The following COL24A1 variants were observed in gnomAD, a reference collection of about 807,000 sequenced individuals.
The protein encoded by COL24A1 is collagen type XXIV alpha 1 chain, also known as collagen alpha-1(XXIV) chain.
A neutral mutation model predicts 253.9 loss-of-function variants in COL24A1; 224 were observed. The ratio of observed to expected loss-of-function variants is 0.88; its 90% confidence interval spans 0.79 to 0.99. COL24A1 has a LOEUF of 0.99. Among genes scored for constraint, COL24A1 ranks in the 50% least tolerant of loss-of-function variants. The pLI is 0.00. For missense variants in COL24A1, 2,131 were observed against 2,068.5 expected (o/e 1.03, Z -0.59); for synonymous variants, 685 against 673.7 (o/e 1.02, Z -0.26).
chr1:85,978,628 A>T (rs1571450336), intron 20 of COL24A1, among the ~76,000 whole-genome samples: 1 of 152,198 alleles, frequency 6.6e-6, no homozygotes, highest in Non-Finnish European at 1.5e-5. Flanking sequence ...GATCAGTCCA[A>T]CATGAAAATG....
intron 37 of COL24A1, among the ~76,000 whole-genome samples, chr1:85,860,526 G>A (rs1679021944): frequency 6.6e-6 from 1 of 152,178 alleles, no homozygotes; most frequent in Non-Finnish European, 1.5e-5. Context: ...CAGATCACGA[G>A]GTCAGGAGAT....
At chr1:85,762,057 G>T (rs2101109978) in intron 53 of COL24A1, among the ~76,000 whole-genome samples, 1 of 152,112 alleles carries the variant, frequency 6.6e-6, no homozygotes, top group South Asian at 2.1e-4. Flanking sequence ...AAATTAATTA[G>T]TATTAATTTA....
chr1:85,868,548 AG>A lies in COL24A1; in HGVS notation c.3270del (p.Leu1091TrpfsTer34). The part of the protein sequence containing the change: ...GEMGLPGIIG[P>X]LGRSGQTGLP... ...AGGCCTGTTTGGCCTGATCTACCCA[AG>A]GGTCCTATAATTCCTGGTAAGCCCA... On this transcript the variant is annotated frameshift_variant, in exon 37 of 60. Transcript: ENST00000370571. LOFTEE classifies it high-confidence loss of function. 1 of 1,613,894 alleles carries A rather than the reference AG, an allele frequency of 6.2e-7. No individual in the cohort carries two copies. The highest frequency in any genetic ancestry group is 8.5e-7 in the Non-Finnish European group (1 of 1,179,852).
At chr1:86,141,702 C>CTT (rs1230061696) in intron 2 of COL24A1, among the ~76,000 whole-genome samples, 2 of 142,252 alleles carry the variant, frequency 1.4e-5, no homozygotes, top group Non-Finnish European at 1.6e-5. Context: ...TAGTGTCTTA[C>CTT]TTTTTTTTTT....
intron 47 of COL24A1, among the ~76,000 whole-genome samples, chr1:85,815,462 C>A (rs313757): frequency 0.46 from 69,954 of 151,856 alleles, 16,408 homozygotes; most frequent in East Asian, 0.58. Flanking sequence ...TAGGCCGTAA[C>A]CTGATGCCAT....
chr1:85,836,240 T>C (rs571192394), intron 43 of COL24A1, among the ~76,000 whole-genome samples: 2 of 152,362 alleles, frequency 1.3e-5, no homozygotes, highest in East Asian at 1.9e-4. Context: ...TATGCTTTTC[T>C]CTTGTTAATC....
chr1:86,084,043 A>G (rs1340116511), intron 7 of COL24A1, among the ~76,000 whole-genome samples: 2 of 152,192 alleles, frequency 1.3e-5, no homozygotes. Flanking sequence ...TTTGTCAAAT[A>G]TTACAGGACT....
At chr1:85,828,325 G>T (rs924541634) in intron 43 of COL24A1, among the ~76,000 whole-genome samples, 1 of 151,558 alleles carries the variant, frequency 6.6e-6, no homozygotes, top group African/African-American at 2.4e-5. Context: ...CATTTGCTGA[G>T]GGGAGCTTTA....
chr1:86,116,358 T>C (rs957518695), intron 3 of COL24A1, among the ~76,000 whole-genome samples: 1 of 152,202 alleles, frequency 6.6e-6, no homozygotes, highest in African/African-American at 2.4e-5. Context: ...ATGTGCTTTA[T>C]TTTTCTTTAT....
rs951070399 is a variant in COL24A1 at position 86,156,328 on chromosome 1, G to A, written c.56+13C>T. 5.6e-6 allele frequency: 9 copies of A among 1,612,080 alleles called. No individual in the cohort carries two copies. In the African/African-American group the frequency reaches 8.0e-5, roughly 14 times the overall value. On this transcript the variant is annotated intron_variant, in intron 1 of 59. Transcript: ENST00000370571. ...GTCTAACCCCTACCCTACCCGGCGGGTGGGCTACTTACGTTTTTGCCGTGG... is the reference window on the plus strand; with the variant it reads ...GTCTAACCCCTACCCTACCCGGCGGATGGGCTACTTACGTTTTTGCCGTGG...
rs183169249 is a variant in COL24A1, at chr1:85,829,942, C to T, written c.3682-6204G>A. Among the ~76,000 whole-genome samples, 405 of 152,204 alleles carry T rather than the reference C, an allele frequency of 2.7e-3. 2 individuals carry two copies. The highest frequency in any genetic ancestry group is 8.2e-3 in the African/African-American group (339 of 41,568). The stretch of plus-strand genomic sequence containing the variant: ...TGAGTTCATCAAAGTCATTCTCCTT[C>T]CAGCTTTGTTCTGTTGCTGGTGAGG... On this transcript the variant is annotated intron_variant, in intron 43 of 59. Transcript: ENST00000370571.
At chr1:85,816,488 GC>G (rs1400093070) in intron 47 of COL24A1, among the ~76,000 whole-genome samples, 3 of 152,184 alleles carry the variant, frequency 2.0e-5, no homozygotes, top group Non-Finnish European at 4.4e-5. Context: ...TCAAAGTACA[GC>G]CAGGTTGTGT....
chr1:85,957,796 C>T (rs1013958578), intron 24 of COL24A1, among the ~76,000 whole-genome samples: 3 of 152,182 alleles, frequency 2.0e-5, no homozygotes, highest in Non-Finnish European at 4.4e-5. Context: ...AAACCTCAAA[C>T]TAAATCATAA....
chr1:85,811,748 T>C (rs1253869378), intron 47 of COL24A1, among the ~76,000 whole-genome samples: 3 of 152,356 alleles, frequency 2.0e-5, no homozygotes, highest in Non-Finnish European at 4.4e-5. Context: ...TGGTCATTTG[T>C]AAATCTTCTT....
At chr1:85,871,083 A>C (rs1054866600) in intron 35 of COL24A1, among the ~76,000 whole-genome samples, 5 of 152,242 alleles carry the variant, frequency 3.3e-5, no homozygotes, top group Admixed American at 3.3e-4. Context: ...TATGCATATA[A>C]ACTAGAAAAT....
chr1:86,076,062 AG>A (rs1234727595), intron 7 of COL24A1, among the ~76,000 whole-genome samples: 4 of 152,182 alleles, frequency 2.6e-5, no homozygotes, highest in African/African-American at 7.2e-5. Context: ...GGCAAGAGAA[AG>A]AAATAAAGCA....
At chr1:86,054,292 A>G (rs1700521053) in intron 10 of COL24A1, among the ~76,000 whole-genome samples, 1 of 152,132 alleles carries the variant, frequency 6.6e-6, no homozygotes, top group South Asian at 2.1e-4. Flanking sequence ...AAATTTGGCA[A>G]TTGTAACCTA....
chr1:85,853,037 C>T (rs1677973688), intron 37 of COL24A1, among the ~76,000 whole-genome samples: 1 of 152,138 alleles, frequency 6.6e-6, no homozygotes, highest in Non-Finnish European at 1.5e-5. Flanking sequence ...TTATGTGTCA[C>T]ATGGATTTGG....
At position 86,059,121 on chromosome 1, in the gene COL24A1, C is replaced by T. The variant is rs772451056; in HGVS notation, c.1806G>A (p.Gln602=). ...AAAAGTCTAAATATAGTTACTGCAC[C>T]TGCCTGCCAGGGTAACCGGGTGAAC... ...NIGSPGYPGR[Q]GLAGPEGNPG... The change falls in exon 9 of 60, where the codon CAG becomes CAA. Residue 602 remains glutamine, a splice_region_variant and synonymous_variant. Transcript: ENST00000370571. 7 of 1,606,966 alleles carry T rather than the reference C, an allele frequency of 4.4e-6. No homozygotes were observed. The highest frequency in any genetic ancestry group is 1.7e-4 in the Middle Eastern group (1 of 6,028).
Sources: allele counts gnomAD v4.1 joint callset (sites outside exome capture counted in the v4.1 genomes callset), GRCh38; gene constraint gnomAD v4.1.1; transcripts MANE v1.5; gene names NCBI Gene and HGNC (gene_info 2026-07-23, HGNC 2026-07-21).